The following RNF180 variants were observed in gnomAD, a reference collection of about 807,000 sequenced individuals.
RNF180 encodes the protein E3 ubiquitin-protein ligase RNF180.
RNF180 carries 38 observed loss-of-function variants against 59.2 expected under a neutral mutation model. The observed-to-expected ratio is 0.64, with a 90% CI of 0.50 to 0.84. The LOEUF is 0.84. Among genes scored for constraint, RNF180 ranks in the 40% least tolerant of loss-of-function variants. The pLI is 0.00. For synonymous variants in RNF180, 262 were observed against 240.3 expected (o/e 1.09, Z -0.84); for missense variants, 705 against 700.9 (o/e 1.01, Z -0.07).
At chr5:64,271,421 G>T (rs2112353181) in intron 5 of RNF180, among the ~76,000 whole-genome samples, 1 of 152,122 alleles carries the variant, frequency 6.6e-6, no homozygotes, top group African/African-American at 2.4e-5. Flanking sequence ...TAACAACACT[G>T]CATTCAATAA....
chr5:64,203,560 A>G (rs890611890), intron 2 of RNF180, among the ~76,000 whole-genome samples: 2 of 152,186 alleles, frequency 1.3e-5, no homozygotes, highest in African/African-American at 4.8e-5. Context: ...ACATAATAAA[A>G]GATGTAAACC....
At chr5:64,211,036 T>C (rs1323570518) in intron 2 of RNF180, among the ~76,000 whole-genome samples, 1 of 152,090 alleles carries the variant, frequency 6.6e-6, no homozygotes, top group Admixed American at 6.6e-5. Context: ...GATGAAGTCA[T>C]CAGGATGTGG....
At chr5:64,179,545 CT>C (rs1750454934) in intron 1 of RNF180, among the ~76,000 whole-genome samples, 1 of 151,994 alleles carries the variant, frequency 6.6e-6, no homozygotes, top group Non-Finnish European at 1.5e-5. Context: ...TTTCTGCAGC[CT>C]TTTTACTTAA....
intron 5 of RNF180, among the ~76,000 whole-genome samples, chr5:64,316,794 G>T (rs887216732): frequency 6.6e-6 from 1 of 152,054 alleles, no homozygotes; most frequent in Non-Finnish European, 1.5e-5. Context: ...TACTTCTGTG[G>T]TATATTTCTG....
chr5:64,195,964 C>T (rs996406942), intron 1 of RNF180, among the ~76,000 whole-genome samples: 4 of 152,140 alleles, frequency 2.6e-5, no homozygotes, highest in African/African-American at 9.7e-5. Context: ...ACAGAAAACC[C>T]GCACAGATAT....
At chr5:64,174,954 C>A in intron 1 of RNF180, among the ~76,000 whole-genome samples, 1 of 140,580 alleles carries the variant, frequency 7.1e-6, no homozygotes, top group South Asian at 2.2e-4. Flanking sequence ...GTCTTTAATC[C>A]AGTTCTTTTT....
At chr5:64,190,486 G>T (rs953377349) in intron 1 of RNF180, among the ~76,000 whole-genome samples, 1 of 152,140 alleles carries the variant, frequency 6.6e-6, no homozygotes, top group South Asian at 2.1e-4. Flanking sequence ...ATGCTAACAT[G>T]AGTTAAGACT....
chr5:64,226,004 G>A (rs1021252937), intron 5 of RNF180, among the ~76,000 whole-genome samples: 1 of 144,152 alleles, frequency 6.9e-6, no homozygotes, highest in Non-Finnish European at 1.5e-5. Context: ...TGGGAAGTGA[G>A]GAGCGCCTCT....
chr5:64,183,199 C>T (rs1207768299), intron 1 of RNF180, among the ~76,000 whole-genome samples: 1 of 152,176 alleles, frequency 6.6e-6, no homozygotes, highest in Non-Finnish European at 1.5e-5. Context: ...AGTCACTTAA[C>T]TTCTAGGACT....
intron 5 of RNF180, among the ~76,000 whole-genome samples, chr5:64,218,422 G>C (rs764076696): frequency 1.1e-4 from 16 of 152,124 alleles, no homozygotes; most frequent in South Asian, 2.1e-4. Context: ...TCAAAAATAA[G>C]TTGTCTGAAA....
chr5:64,177,108 C>T (rs1056367047), intron 1 of RNF180, among the ~76,000 whole-genome samples: 1 of 152,110 alleles, frequency 6.6e-6, no homozygotes, highest in African/African-American at 2.4e-5. Context: ...TCTGATGATA[C>T]GTGAAGTGTA....
At chr5:64,183,640 G>C (rs767078698) in intron 1 of RNF180, among the ~76,000 whole-genome samples, 1 of 151,798 alleles carries the variant, frequency 6.6e-6, no homozygotes, top group South Asian at 2.1e-4. Flanking sequence ...TAGAGATAAG[G>C]TTTCACCTTC....
At chr5:64,272,569 C>A (rs770434712) in intron 5 of RNF180, among the ~76,000 whole-genome samples, 4 of 151,486 alleles carry the variant, frequency 2.6e-5, no homozygotes, top group Non-Finnish European at 5.9e-5. Context: ...TATGGAGTGG[C>A]GTGATAAGAA....
intron 5 of RNF180, among the ~76,000 whole-genome samples, chr5:64,239,795 C>T (rs1742689958): frequency 1.3e-5 from 2 of 152,148 alleles, no homozygotes; most frequent in Admixed American, 1.3e-4. Flanking sequence ...AAAATGGTTA[C>T]TTTGCAAATT....
At chr5:64,307,487 A>G (rs1743534949) in intron 5 of RNF180, among the ~76,000 whole-genome samples, 1 of 151,726 alleles carries the variant, frequency 6.6e-6, no homozygotes, top group South Asian at 2.1e-4. Context: ...GAGAAGACTT[A>G]AAAAGCTAAG....
intron 5 of RNF180, among the ~76,000 whole-genome samples, chr5:64,289,686 T>TA (rs1742471666): frequency 6.6e-6 from 1 of 152,176 alleles, no homozygotes; most frequent in Non-Finnish European, 1.5e-5. Flanking sequence ...ATAGAGGTAT[T>TA]TATAGTATTC....
intron 5 of RNF180, among the ~76,000 whole-genome samples, chr5:64,235,073 T>A (rs1742351869): frequency 1.3e-5 from 2 of 152,066 alleles, no homozygotes; most frequent in South Asian, 4.1e-4. Flanking sequence ...TCCCAGGAGT[T>A]TGAGACCAGC....
chr5:64,236,498 A>C (rs1742447992), intron 5 of RNF180, among the ~76,000 whole-genome samples: 1 of 152,228 alleles, frequency 6.6e-6, no homozygotes, highest in South Asian at 2.1e-4. Flanking sequence ...AAAGATTTGG[A>C]AATTTTGCTG....
chr5:64,221,503 C>A (rs574355012), intron 5 of RNF180, among the ~76,000 whole-genome samples: 1 of 152,138 alleles, frequency 6.6e-6, no homozygotes, highest in South Asian at 2.1e-4. Flanking sequence ...TGTAAAAATA[C>A]CTAGGGCATA....
Sources: allele counts gnomAD v4.1 joint callset (sites outside exome capture counted in the v4.1 genomes callset), GRCh38; gene constraint gnomAD v4.1.1; transcripts MANE v1.5; gene names NCBI Gene and HGNC (gene_info 2026-07-23, HGNC 2026-07-21).